TCF4: variants seen among roughly 807,000 people sequenced by gnomAD.
The protein encoded by TCF4 is transcription factor 4, also known as SL3-3 enhancer factor 2.
A neutral mutation model predicts 82.1 loss-of-function variants in TCF4; 3 were observed. The observed-to-expected ratio is 0.04, with a 90% confidence interval of 0.02 to 0.09. The LOEUF (loss-of-function observed/expected upper bound fraction) is 0.09, where lower values mean the gene tolerates loss of function less well. TCF4 is among the 10% of genes least tolerant of loss of function. TCF4 has a pLI of 1.00. For missense variants in TCF4, 518 were observed against 852.7 expected (o/e 0.61, Z 4.89); for synonymous variants, 276 against 309.6 (o/e 0.89, Z 1.14).
chr18:55,308,309 T>TA (rs1180438104), intron 8 of TCF4, among the ~76,000 whole-genome samples: 2 of 152,228 alleles, frequency 1.3e-5, no homozygotes, highest in Non-Finnish European at 2.9e-5. Context: ...TGCTTGTTGT[T>TA]ACATGGAATA....
In TCF4 at chr18:55,406,570, G is replaced by A. The variant is rs114339246; in HGVS notation, c.305-3052C>T. Among the ~76,000 whole-genome samples, 949 of 152,238 alleles carry A rather than the reference G, an allele frequency of 6.2e-3. 12 individuals carry two copies. The highest frequency in any genetic ancestry group is 0.022 in the African/African-American group (918 of 41,540). On this transcript the variant is annotated intron_variant, in intron 5 of 19. Transcript: ENST00000354452. ...TTCAGATAATAAAATTTTCAAGAGC[G>A]CTGATAACATGTTTGAGTAGGATCC...
At chr18:55,344,795 G>T (rs1218055052) in intron 8 of TCF4, among the ~76,000 whole-genome samples, 1 of 152,140 alleles carries the variant, frequency 6.6e-6, no homozygotes, top group East Asian at 1.9e-4. Context: ...CTTTCTGGGG[G>T]AAGGAATGAA....
chr18:55,432,105 C>T (rs2095217870), intron 5 of TCF4, among the ~76,000 whole-genome samples: 1 of 152,054 alleles, frequency 6.6e-6, no homozygotes, highest in Non-Finnish European at 1.5e-5. Context: ...AGTTCGAGAC[C>T]AGCCTGGTAA....
At chr18:55,368,481 AT>A (rs1269079012) in intron 6 of TCF4, among the ~76,000 whole-genome samples, 2 of 152,164 alleles carry the variant, frequency 1.3e-5, no homozygotes, top group African/African-American at 4.8e-5. Context: ...CTAGACATTC[AT>A]ACACTGCAAA....
At position 55,374,181 on chromosome 18, in the gene TCF4, C is replaced by T. The variant is rs114728982; in HGVS notation, c.370-23178G>A. ...GCTGTAACCAATGAAAAATAATGGC[C>T]TTAAATTGCAAGATGTAAAAATAAA... is the stretch of plus-strand genomic sequence containing the variant. On this transcript the variant is annotated intron_variant, in intron 6 of 19. Coordinates refer to ENST00000354452, the MANE Select transcript of TCF4 (RefSeq NM_001083962.2). 4.7e-3 allele frequency among the ~76,000 whole-genome samples: 709 copies of T among 151,708 alleles called. 8 individuals are homozygous for T. Among genetic ancestry groups the T allele is most frequent in the African/African-American group, 0.016 (675 of 41,394 alleles).
intron 2 of TCF4, among the ~76,000 whole-genome samples, chr18:55,599,334 T>A (rs1234345442): frequency 2.0e-5 from 3 of 152,214 alleles, no homozygotes; most frequent in African/African-American, 7.2e-5. Flanking sequence ...TTCCCTCCCC[T>A]CTGAAGTCTG....
intron 8 of TCF4, among the ~76,000 whole-genome samples, chr18:55,339,388 T>C (rs923636197): frequency 6.6e-6 from 1 of 152,164 alleles, no homozygotes. Context: ...AAAAGCCAAA[T>C]CGAAATGGAA....
chr18:55,621,629 A>G (rs1207963083), intron 2 of TCF4, among the ~76,000 whole-genome samples: 1 of 75,758 alleles, frequency 1.3e-5, no homozygotes, highest in South Asian at 3.8e-4. Context: ...TATATATAAT[A>G]TATATATTAT....
intron 6 of TCF4, among the ~76,000 whole-genome samples, chr18:55,384,627 G>GA: frequency 6.6e-6 from 1 of 152,282 alleles, no homozygotes; most frequent in Non-Finnish European, 1.5e-5. Context: ...CCCATTAGAT[G>GA]CTGTTAACAA....
At chr18:55,589,885 G>T, upstream of TCF4, 7 of 978,118 alleles carry the variant, frequency 7.2e-6, no homozygotes, top group Non-Finnish European at 8.5e-6. Flanking sequence ...CGACCATAGA[G>T]TGGTAAACAG....
intron 5 of TCF4, among the ~76,000 whole-genome samples, chr18:55,459,415 C>T (rs897345104): frequency 1.1e-4 from 17 of 152,088 alleles, no homozygotes; most frequent in African/African-American, 4.1e-4. Flanking sequence ...AAACTTTTTT[C>T]ACATAGATAA....
chr18:55,519,639 A>G (rs2096916895), intron 3 of TCF4, among the ~76,000 whole-genome samples: 2 of 152,298 alleles, frequency 1.3e-5, no homozygotes, highest in South Asian at 2.1e-4. Flanking sequence ...TTGACCAGCC[A>G]TAAGACAGAA....
chr18:55,356,753 G>A (rs778729403), intron 6 of TCF4, among the ~76,000 whole-genome samples: 3 of 151,940 alleles, frequency 2.0e-5, no homozygotes, highest in African/African-American at 7.3e-5. Flanking sequence ...CTTATCAAGC[G>A]TTGTTTTAAA....
chr18:55,614,959 A>C (rs1402772441), intron 2 of TCF4, among the ~76,000 whole-genome samples: 1 of 152,116 alleles, frequency 6.6e-6, no homozygotes, highest in African/African-American at 2.4e-5. Context: ...TATTTTTATT[A>C]TTATGATTTT....
At chr18:55,270,439 T>C (rs2078195577) in intron 10 of TCF4, among the ~76,000 whole-genome samples, 1 of 152,036 alleles carries the variant, frequency 6.6e-6, no homozygotes. Context: ...CAAATCTTCT[T>C]CCTCCCAAAT....
At chr18:55,609,194 C>T (rs1416936796) in intron 2 of TCF4, among the ~76,000 whole-genome samples, 1 of 152,168 alleles carries the variant, frequency 6.6e-6, no homozygotes, top group East Asian at 1.9e-4. Context: ...GCCAACTGTT[C>T]TGTAGACATT....
chr18:55,353,433 AT>A (rs1221253660), intron 6 of TCF4, among the ~76,000 whole-genome samples: 2 of 151,994 alleles, frequency 1.3e-5, no homozygotes, highest in Non-Finnish European at 2.9e-5. Context: ...GTTAATCTTT[AT>A]TTTTTTCACA....
At chr18:55,630,080 C>T (rs934004055) in intron 2 of TCF4, among the ~76,000 whole-genome samples, 6 of 152,098 alleles carry the variant, frequency 3.9e-5, no homozygotes, top group African/African-American at 1.4e-4. Context: ...CATCTGAAGA[C>T]ATTTGTGTCT....
chr18:55,347,195 G>A (rs1190807281), intron 8 of TCF4, among the ~76,000 whole-genome samples: 1 of 151,984 alleles, frequency 6.6e-6, no homozygotes, highest in African/African-American at 2.4e-5. Context: ...TAAGGTCTTC[G>A]CAAAAAACGA....
Sources: allele counts gnomAD v4.1 joint callset (sites outside exome capture counted in the v4.1 genomes callset), GRCh38; gene constraint gnomAD v4.1.1; transcripts MANE v1.5; gene names NCBI Gene and HGNC (gene_info 2026-07-23, HGNC 2026-07-21).